The following RBFOX3 variants were observed in gnomAD, a reference collection of about 807,000 sequenced individuals.
RBFOX3 encodes the protein RNA binding fox-1 homolog 3.
A neutral mutation model predicts 48.7 loss-of-function variants in RBFOX3; 17 were observed. That is an observed-to-expected ratio of 0.35 (90% confidence interval 0.24 to 0.52). The LOEUF (loss-of-function observed/expected upper bound fraction) is 0.52. RBFOX3 is among the 20% of genes least tolerant of loss of function. RBFOX3 has a pLI of 0.94. For missense variants in RBFOX3, 382 were observed against 497.5 expected, an observed-to-expected ratio of 0.77 and a Z score of 2.21; for synonymous variants, 212 against 209.5, an observed-to-expected ratio of 1.01 and a Z score of -0.10.
chr17:79,381,125 T>A (rs1315141213), intron 2 of RBFOX3, among the ~76,000 whole-genome samples: 1 of 151,838 alleles, frequency 6.6e-6, no homozygotes, highest in East Asian at 1.9e-4. Flanking sequence ...CCGGGCATGG[T>A]GGTGTGTGCC....
intron 1 of RBFOX3, among the ~76,000 whole-genome samples, chr17:79,561,921 T>G (rs1225421658): frequency 6.6e-6 from 1 of 151,988 alleles, no homozygotes; most frequent in African/African-American, 2.4e-5. Flanking sequence ...CCATGCATGG[T>G]GCTATGAGTC....
intron 1 of RBFOX3, among the ~76,000 whole-genome samples, chr17:79,590,010 C>T (rs2093370013): frequency 6.6e-6 from 1 of 152,144 alleles, no homozygotes; most frequent in South Asian, 2.1e-4. Context: ...AGGTGCCCTC[C>T]ACCCCCCATG....
intron 1 of RBFOX3, among the ~76,000 whole-genome samples, chr17:79,578,674 G>A (rs2092943339): frequency 6.6e-6 from 1 of 152,256 alleles, no homozygotes; most frequent in Non-Finnish European, 1.5e-5. Context: ...CTGTGGGAGA[G>A]GAACTCCCTG....
chr17:79,607,827 C>T (rs906989406), intron 1 of RBFOX3, among the ~76,000 whole-genome samples: 227 of 152,270 alleles, frequency 1.5e-3, no homozygotes, highest in African/African-American at 5.2e-3. Context: ...ACTACAGTGT[C>T]TAGTTCATCC....
intron 4 of RBFOX3, among the ~76,000 whole-genome samples, chr17:79,218,208 G>C (rs1399299889): frequency 6.6e-6 from 1 of 152,114 alleles, no homozygotes; most frequent in Non-Finnish European, 1.5e-5. Flanking sequence ...TGGCGAGGCT[G>C]GGAGGGGGTC....
chr17:79,401,449 A>G (rs2062793132), intron 2 of RBFOX3, among the ~76,000 whole-genome samples: 1 of 152,260 alleles, frequency 6.6e-6, no homozygotes, highest in Non-Finnish European at 1.5e-5. Flanking sequence ...CAGCCAATCA[A>G]TGAGACCACC....
At chr17:79,571,167 G>A (rs2092665042) in intron 1 of RBFOX3, among the ~76,000 whole-genome samples, 1 of 152,316 alleles carries the variant, frequency 6.6e-6, no homozygotes, top group African/African-American at 2.4e-5. Flanking sequence ...CAATCTGGTA[G>A]CATCAGGCAT....
Position 79,095,371 on chromosome 17 carries a change from C to T in RBFOX3, c.998+142G>A, listed in dbSNP as rs991653355. ...CACTGGCTCAAGGGCCACACTCAGA[C>T]CTGCTCCCCTGTCCCGACCCTACTC... On this transcript the variant is annotated intron_variant, in intron 13 of 14. Transcript: ENST00000693108. 5 of 666,752 alleles carry T rather than the reference C, an allele frequency of 7.5e-6. No homozygotes were observed. In the Admixed American group the frequency reaches 8.7e-5, roughly 12 times the overall value. 41.3% of individuals were successfully genotyped at this position (666,752 alleles called of 1,614,324 possible). A position where few individuals can be genotyped will look rare whatever the true frequency, so the allele number is the denominator to read the frequency against.
chr17:79,333,869 T>C (rs970280082), intron 2 of RBFOX3, among the ~76,000 whole-genome samples: 4 of 152,052 alleles, frequency 2.6e-5, no homozygotes, highest in African/African-American at 9.7e-5. Context: ...AGAGGCATCA[T>C]CCTGGGACCT....
chr17:79,173,132 C>T (rs2049728247), intron 4 of RBFOX3, among the ~76,000 whole-genome samples: 1 of 152,138 alleles, frequency 6.6e-6, no homozygotes, highest in Admixed American at 6.5e-5. Flanking sequence ...ATCGCTTGAA[C>T]CCAGGAGGCA....
intron 4 of RBFOX3, among the ~76,000 whole-genome samples, chr17:79,137,170 TCA>T (rs905078193): frequency 8.5e-5 from 13 of 152,060 alleles, no homozygotes; most frequent in Non-Finnish European, 1.8e-4. Flanking sequence ...ATGCATGGAC[TCA>T]CACACGCAGC....
At chr17:79,091,700 T>C (rs8073225) in intron 14 of RBFOX3, among the ~76,000 whole-genome samples, 40,867 of 152,106 alleles carry the variant, frequency 0.27, 5,794 homozygotes, top group African/African-American at 0.35. Context: ...CCTTCCGGAA[T>C]ATACCCCAAT....
rs541323466 is a variant in RBFOX3, at chr17:79,317,234, C to T, written c.-174-9410G>A. On this transcript the variant is annotated intron_variant, in intron 2 of 14. Coordinates refer to ENST00000693108, the MANE Select transcript of RBFOX3 (RefSeq NM_001350451.2). ...GCTGAAATTGCAGACCCAGTTCATTCGTATTCCAAAGTCTGCACTCTTTCC... is the reference window on the plus strand; with the variant it reads ...GCTGAAATTGCAGACCCAGTTCATTTGTATTCCAAAGTCTGCACTCTTTCC... Among the ~76,000 whole-genome samples the T allele has an allele frequency of 3.3e-5, 5 of 152,306 alleles. No homozygotes were observed. In the South Asian group the frequency reaches 6.2e-4, roughly 19 times the overall value.
At chr17:79,382,765 C>T (rs527988460) in intron 2 of RBFOX3, among the ~76,000 whole-genome samples, 10 of 152,312 alleles carry the variant, frequency 6.6e-5, no homozygotes, top group Middle Eastern at 6.8e-3. Context: ...CTCCCAGGCT[C>T]CTTGCAGCCT....
intron 4 of RBFOX3, among the ~76,000 whole-genome samples, chr17:79,171,662 A>T (rs569603827): frequency 1.2e-4 from 17 of 139,230 alleles, no homozygotes; most frequent in Non-Finnish European, 2.1e-4. Context: ...AGATCTTGCC[A>T]CTTTGCCCAG....
chr17:79,455,592 C>A (rs982713783), intron 2 of RBFOX3, among the ~76,000 whole-genome samples: 16 of 152,288 alleles, frequency 1.1e-4, no homozygotes, highest in African/African-American at 3.9e-4. Context: ...TGCACACACA[C>A]ACACGCACGC....
chr17:79,374,259 G>C (rs2058944246), intron 2 of RBFOX3, among the ~76,000 whole-genome samples: 1 of 152,206 alleles, frequency 6.6e-6, no homozygotes, highest in Non-Finnish European at 1.5e-5. Context: ...GGGCGTGAGA[G>C]AAGTAAAGAC....
rs374049829 is a variant in RBFOX3, at chr17:79,471,629, G to A, written c.-175+10825C>T. Among the ~76,000 whole-genome samples, 19 of 152,282 alleles carry A rather than the reference G, an allele frequency of 1.2e-4. No homozygotes were observed. The East Asian group carries it at 2.7e-3, about 22-fold the overall frequency. ...GCGCACACACACCTGTCACCTCTCCGTGGACTGCAGTGTTTAAAAGACAGT... is the reference window on the plus strand; with the variant it reads ...GCGCACACACACCTGTCACCTCTCCATGGACTGCAGTGTTTAAAAGACAGT... On this transcript the variant is annotated intron_variant, in intron 2 of 14. Coordinates refer to ENST00000693108, the MANE Select transcript of RBFOX3 (RefSeq NM_001350451.2). The surrounding 1 kb of genome is among the most constrained non-coding windows in gnomAD (Gnocchi z 4.0).
chr17:79,356,689 T>C (rs1016692884), intron 2 of RBFOX3, among the ~76,000 whole-genome samples: 2 of 151,752 alleles, frequency 1.3e-5, no homozygotes, highest in Non-Finnish European at 2.9e-5. Context: ...TTTTTTTTTA[T>C]GCCATCAGAG....
Sources: gnomAD v4.1 joint callset for allele counts (sites outside exome capture counted in the v4.1 genomes callset) on GRCh38, gnomAD v4.1.1 for gene constraint, Gnocchi (gnomAD v3.1) non-coding constraint, MANE v1.5 for transcripts, NCBI Gene and HGNC (gene_info 2026-07-23, HGNC 2026-07-21) for gene names.